Variants in FRMD4A observed in about 807,000 individuals in gnomAD.
The protein encoded by FRMD4A is FERM domain containing 4A, also known as FERM domain-containing protein 4A.
FRMD4A carries 29 observed loss-of-function variants against 129.1 expected under a neutral mutation model. The observed-to-expected ratio is 0.22, with a 90% confidence interval of 0.17 to 0.31. The LOEUF is 0.31. Among genes scored for constraint, FRMD4A ranks in the 10% least tolerant of loss-of-function variants. The pLI is 1.00. For synonymous variants in FRMD4A, 634 were observed against 571.6 expected, an observed-to-expected ratio of 1.11 and a Z score of -1.56; for missense variants, 1,272 against 1,375.8, an observed-to-expected ratio of 0.92 and a Z score of 1.19.
At chr10:13,858,559 C>T (rs1473341008) in intron 3 of FRMD4A, among the ~76,000 whole-genome samples, 3 of 152,220 alleles carry the variant, frequency 2.0e-5, no homozygotes, top group Non-Finnish European at 2.9e-5. Flanking sequence ...GTAGTTAACT[C>T]CTTCCAGGCA....
At chr10:13,876,263 T>C (rs1358118929) in intron 2 of FRMD4A, among the ~76,000 whole-genome samples, 2 of 152,238 alleles carry the variant, frequency 1.3e-5, no homozygotes, top group Non-Finnish European at 2.9e-5. Context: ...TTCATTCTGA[T>C]AGCTGATGTA....
intron 2 of FRMD4A, among the ~76,000 whole-genome samples, chr10:14,232,511 T>C (rs1053583369): frequency 6.6e-6 from 1 of 150,604 alleles, no homozygotes; most frequent in Admixed American, 6.6e-5. Flanking sequence ...AATCTAGAAA[T>C]TGCTTTGGGT....
At chr10:13,988,797 C>CCTAA (rs1391145699) in intron 2 of FRMD4A, among the ~76,000 whole-genome samples, 11 of 152,284 alleles carry the variant, frequency 7.2e-5, no homozygotes, top group African/African-American at 2.6e-4. Flanking sequence ...TATCTACCTA[C>CCTAA]CTACCTACCT....
At chr10:13,905,504 C>A (rs1250352402) in intron 2 of FRMD4A, among the ~76,000 whole-genome samples, 1 of 152,130 alleles carries the variant, frequency 6.6e-6, no homozygotes, top group Non-Finnish European at 1.5e-5. Flanking sequence ...GAGAATGCCC[C>A]TTGTGCTCTT....
In FRMD4A at chr10:13,889,096, A is replaced by G. The variant is rs74953945; in HGVS notation, c.46-30184T>C. ...ACACACGCACCAGCATAAACAATGTAAACACAAGTGGTATATTCATGCAGT... is the reference window on the plus strand; with the variant it reads ...ACACACGCACCAGCATAAACAATGTGAACACAAGTGGTATATTCATGCAGT... On this transcript the variant is annotated intron_variant, in intron 2 of 24. Coordinates refer to ENST00000357447, the MANE Select transcript of FRMD4A (RefSeq NM_018027.5). 5.4e-3 allele frequency among the ~76,000 whole-genome samples: 818 copies of G among 152,378 alleles called. 3 individuals carry two copies. The highest frequency in any genetic ancestry group is 0.014 in the Middle Eastern group (4 of 294).
chr10:14,330,719 A>G lies in FRMD4A; in HGVS notation c.-204T>C. The G allele has an allele frequency of 2.5e-6, 1 of 399,074 alleles. No homozygotes were observed. The highest frequency in any genetic ancestry group is 3.6e-5 in the East Asian group (1 of 28,086). The allele number at this position is 399,074 out of a possible 1,614,324, so 24.7% of individuals were successfully genotyped here. On this transcript the variant is annotated 5_prime_UTR_variant, in exon 1 of 25. Transcript: ENST00000357447. ...AGGCACCAGGCAGTCACTGGAGATC[A>G]GCAAATGCCCTTACCATCCCCGAGG...
At chr10:13,962,653 T>C (rs1031754) in intron 2 of FRMD4A, among the ~76,000 whole-genome samples, 9 of 152,304 alleles carry the variant, frequency 5.9e-5, no homozygotes, top group African/African-American at 2.2e-4. Flanking sequence ...CTCCTTCCAG[T>C]GGGATTACTA....
At chr10:14,285,652 C>T (rs1845657638) in intron 2 of FRMD4A, among the ~76,000 whole-genome samples, 3 of 152,192 alleles carry the variant, frequency 2.0e-5, no homozygotes, top group Admixed American at 2.0e-4. Context: ...AATAATACCT[C>T]TCAAAGTTAT....
In FRMD4A at chr10:14,049,409, C is replaced by A. The variant is rs148807553; in HGVS notation, c.46-190497G>T. 1.2e-4 allele frequency among the ~76,000 whole-genome samples: 19 copies of A among 152,252 alleles called. No homozygotes were observed. In the East Asian group the frequency reaches 3.5e-3, roughly 28 times the overall value. ...CAATGCACTGGCAAGTATTCAAGAT[C>A]TTTAGGGACCAGAGGTGGACTCCGA... On this transcript the variant is annotated intron_variant, in intron 2 of 24. Coordinates refer to ENST00000357447, the MANE Select transcript of FRMD4A (RefSeq NM_018027.5).
intron 11 of FRMD4A, among the ~76,000 whole-genome samples, chr10:13,739,362 G>C (rs1464949163): frequency 2.0e-5 from 3 of 152,200 alleles, no homozygotes; most frequent in Non-Finnish European, 4.4e-5. Context: ...ACAGCAGATT[G>C]ACCAGAGAAG....
chr10:13,781,840 T>A (rs369942116), intron 6 of FRMD4A, among the ~76,000 whole-genome samples: 1 of 152,148 alleles, frequency 6.6e-6, no homozygotes, highest in African/African-American at 2.4e-5. Context: ...GGGGAAGTTG[T>A]TTAATGAGTA....
intron 2 of FRMD4A, among the ~76,000 whole-genome samples, chr10:14,158,917 G>C (rs1180479780): frequency 6.6e-6 from 1 of 151,592 alleles, no homozygotes; most frequent in East Asian, 1.9e-4. Flanking sequence ...TGGATGAAGA[G>C]GAAAAAACAA....
intron 2 of FRMD4A, among the ~76,000 whole-genome samples, chr10:14,167,393 G>A (rs1841239625): frequency 6.6e-6 from 1 of 151,812 alleles, no homozygotes; most frequent in African/African-American, 2.4e-5. Context: ...TTAGCCGGGT[G>A]TGGTGGTGCA....
intron 2 of FRMD4A, among the ~76,000 whole-genome samples, chr10:13,863,274 A>G (rs1337160144): frequency 6.6e-6 from 1 of 152,246 alleles, no homozygotes; most frequent in African/African-American, 2.4e-5. Flanking sequence ...CAGTGACCAC[A>G]GCAGACTATC....
intron 2 of FRMD4A, among the ~76,000 whole-genome samples, chr10:14,094,448 C>A (rs955933652): frequency 2.6e-5 from 4 of 152,154 alleles, no homozygotes; most frequent in Non-Finnish European, 4.4e-5. Context: ...GCTTCCCAAC[C>A]CTGGTGTGGG....
intron 2 of FRMD4A, among the ~76,000 whole-genome samples, chr10:14,026,267 T>A (rs936466037): frequency 1.3e-5 from 2 of 152,236 alleles, no homozygotes; most frequent in East Asian, 3.8e-4. Context: ...TCTCTGTGAA[T>A]TTTCTTTTCC....
chr10:14,326,292 A>C (rs2132127356), intron 2 of FRMD4A: 1 of 152,326 alleles, frequency 6.6e-6, no homozygotes, highest in South Asian at 2.1e-4. Flanking sequence ...AGGGGAGCTA[A>C]CTTCAGGAGC....
At chr10:14,194,054 A>C (rs1283023690) in intron 2 of FRMD4A, among the ~76,000 whole-genome samples, 1 of 152,208 alleles carries the variant, frequency 6.6e-6, no homozygotes, top group Non-Finnish European at 1.5e-5. Context: ...ATGTTGGCAA[A>C]AGCACAAACC....
In FRMD4A at chr10:13,657,012, G is replaced by T; in HGVS notation, c.2577C>A (p.Gly859=). The change falls in exon 22 of 25, where the codon GGC becomes GGA. Residue 859 remains glycine (G), a synonymous_variant. Coordinates refer to ENST00000357447, the MANE Select transcript of FRMD4A (RefSeq NM_018027.5). ...VVRSLESDQE[G]HYSVKAQFKT... Reference sequence around the variant, plus strand: ...TGAACTGAGCCTTGACGCTGTAGTGGCCCTCCTGGTCGCTCTCCAGGCTGC... The same window carrying T: ...TGAACTGAGCCTTGACGCTGTAGTGTCCCTCCTGGTCGCTCTCCAGGCTGC... The T allele has an allele frequency of 6.4e-7, 1 of 1,568,372 alleles. No homozygotes were observed.
Sources: gnomAD v4.1 joint callset for allele counts (sites outside exome capture counted in the v4.1 genomes callset) on GRCh38, gnomAD v4.1.1 for gene constraint, MANE v1.5 for transcripts, NCBI Gene and HGNC (gene_info 2026-07-23, HGNC 2026-07-21) for gene names.